ITK: variants seen among roughly 807,000 people sequenced by gnomAD.
The protein encoded by ITK is tyrosine-protein kinase ITK/TSK.
Under a neutral mutation model 87.6 loss-of-function variants are expected in ITK, and 45 were observed. The observed-to-expected ratio is 0.51, with a 90% CI of 0.40 to 0.66. The LOEUF (loss-of-function observed/expected upper bound fraction) is 0.66, where lower values mean the gene tolerates loss of function less well. Among genes scored for constraint, ITK ranks in the 30% least tolerant of loss-of-function variants. The probability of loss-of-function intolerance (pLI) is 0.00; values close to 1 mark genes in which losing one functional copy is unlikely to be tolerated. For synonymous variants in ITK, 303 were observed against 273.6 expected, an observed-to-expected ratio of 1.11 and a Z score of -1.06; for missense variants, 605 against 766.3, an observed-to-expected ratio of 0.79 and a Z score of 2.48.
intron 16 of ITK, among the ~76,000 whole-genome samples, chr5:157,249,645 G>C (rs1755101713): frequency 6.6e-6 from 1 of 152,158 alleles, no homozygotes; most frequent in Non-Finnish European, 1.5e-5. Context: ...CAACAAGGTG[G>C]AATACAAAAA....
At position 157,248,834 on chromosome 5, in the gene ITK, T is replaced by C. The variant is rs199877199; in HGVS notation, c.1634-16T>C. The C allele has an allele frequency of 1.5e-3, 2,469 of 1,613,936 alleles. 57 individuals carry two copies. In the South Asian group the frequency reaches 0.026, roughly 17 times the overall value. On this transcript the variant is annotated splice_polypyrimidine_tract_variant and intron_variant, in intron 15 of 16. Transcript: ENST00000422843. ...GGCTTTGTCATTCACTGTGCTGTGC[T>C]CACCATTTCTTGTAGGTGTGCTGAT...
At chr5:157,183,797 T>C (rs913151140) in intron 1 of ITK, among the ~76,000 whole-genome samples, 1 of 152,192 alleles carries the variant, frequency 6.6e-6, no homozygotes, top group Non-Finnish European at 1.5e-5. Flanking sequence ...TGTGTAAAAT[T>C]ATGATTCTTG....
At chr5:157,223,508 G>T (rs1754470811) in intron 6 of ITK, among the ~76,000 whole-genome samples, 2 of 152,076 alleles carry the variant, frequency 1.3e-5, no homozygotes, top group Non-Finnish European at 2.9e-5. Context: ...CATTGAACTA[G>T]CCATCCACAT....
At chr5:157,216,808 G>A (rs987545987) in intron 4 of ITK, among the ~76,000 whole-genome samples, 6 of 152,088 alleles carry the variant, frequency 3.9e-5, no homozygotes, top group African/African-American at 1.4e-4. Flanking sequence ...CCTATTACAG[G>A]GGTTTTCCTT....
Position 157,254,745 on chromosome 5 carries a change from A to C in ITK, c.*2067A>C, listed in dbSNP as rs1755217575. 1 of 218,110 alleles carries C rather than the reference A, an allele frequency of 4.6e-6. No homozygotes were observed. The highest frequency in any genetic ancestry group is 1.9e-4 in the South Asian group (1 of 5,372). The allele number at this position is 218,110 out of a possible 1,614,324, so 13.5% of individuals were successfully genotyped here. A position where few individuals can be genotyped will look rare whatever the true frequency, so the allele number is the denominator to read the frequency against. ...TGATTTCTGGAACATTCAGTCTAGAAAGAAAACATTGGAATTGACTGATCT... is the reference window on the plus strand; with the variant it reads ...TGATTTCTGGAACATTCAGTCTAGACAGAAAACATTGGAATTGACTGATCT... On this transcript the variant is annotated 3_prime_UTR_variant, in exon 17 of 17. Transcript: ENST00000422843.
intron 10 of ITK, chr5:157,241,212 A>G (rs914622280): frequency 1.2e-5 from 2 of 163,554 alleles, no homozygotes; most frequent in Admixed American, 1.3e-4. Context: ...TGCTGGGATT[A>G]CAGGTGTAAG....
chr5:157,213,285 A>T (rs1754229092), intron 3 of ITK, among the ~76,000 whole-genome samples: 2 of 152,328 alleles, frequency 1.3e-5, no homozygotes, highest in Middle Eastern at 3.4e-3. Flanking sequence ...CATGGGGGAA[A>T]ATATCCCCGT....
At chr5:157,229,272 A>C (rs1580898122) in intron 7 of ITK, among the ~76,000 whole-genome samples, 1 of 152,242 alleles carries the variant, frequency 6.6e-6, no homozygotes, top group African/African-American at 2.4e-5. Context: ...GAGCTGTGGC[A>C]TATTTACATA....
Position 157,222,755 on chromosome 5 carries a change from A to C in ITK, c.496-108A>C, listed in dbSNP as rs1754444949. On this transcript the variant is annotated intron_variant, in intron 5 of 16. Coordinates refer to ENST00000422843, the MANE Select transcript of ITK (RefSeq NM_005546.4). ...AGCGCTGTAACTCTAACTCATAAAGAAAGTCTACCAGAGGAAGGCAGACTG... is the reference window on the plus strand; with the variant it reads ...AGCGCTGTAACTCTAACTCATAAAGCAAGTCTACCAGAGGAAGGCAGACTG... 1.0e-5 allele frequency: 11 copies of C among 1,059,396 alleles called. 1 individual carries two copies. The highest frequency in any genetic ancestry group is 1.6e-5 in the Non-Finnish European group (11 of 688,894). 65.6% of individuals were successfully genotyped at this position (1,059,396 alleles called of 1,614,324 possible).
At chr5:157,202,030 T>C (rs550724314) in intron 1 of ITK, among the ~76,000 whole-genome samples, 48 of 152,238 alleles carry the variant, frequency 3.2e-4, no homozygotes, top group African/African-American at 1.0e-3. Context: ...CCCTTCTTTA[T>C]ACCCATATGT....
intron 15 of ITK, among the ~76,000 whole-genome samples, chr5:157,247,250 C>A (rs530730201): frequency 6.6e-6 from 1 of 152,290 alleles, no homozygotes; most frequent in South Asian, 2.1e-4. Flanking sequence ...ATGAGTCCTA[C>A]CTATTTCTTA....
intron 4 of ITK, 65 bp downstream of exon 4, chr5:157,214,384 C>T: frequency 7.3e-7 from 1 of 1,362,568 alleles, no homozygotes; most frequent in Non-Finnish European, 1.1e-6. Flanking sequence ...AGCTTTTGGC[C>T]TTTAATCATT....
At position 157,232,481 on chromosome 5, in the gene ITK, C is replaced by A. The variant is rs1754677672; in HGVS notation, c.768+87C>A. 8 of 934,124 alleles carry A rather than the reference C, an allele frequency of 8.6e-6. No homozygotes were observed. The South Asian group carries it at 9.7e-5, about 11-fold the overall frequency. The allele number at this position is 934,124 out of a possible 1,614,324, so 57.9% of individuals were successfully genotyped here. On this transcript the variant is annotated intron_variant, in intron 8 of 16. Coordinates refer to ENST00000422843, the MANE Select transcript of ITK (RefSeq NM_005546.4). ...TCTGGAATCCCAGCGATTTGGCAGG[C>A]CAAGGTGGGAGGATCACTTGAGCCC...
At chr5:157,193,410 T>TG (rs1299669298) in intron 1 of ITK, among the ~76,000 whole-genome samples, 1 of 152,188 alleles carries the variant, frequency 6.6e-6, no homozygotes, top group Non-Finnish European at 1.5e-5. Flanking sequence ...ACCCTAAAAA[T>TG]GAAGTCAGAC....
chr5:157,240,858 A>G (rs1561663502), intron 10 of ITK: 1 of 151,960 alleles, frequency 6.6e-6, no homozygotes, highest in Non-Finnish European at 1.5e-5. Context: ...TGACCCAAAC[A>G]CCACCTCCCA....
At chr5:157,186,474 C>T (rs144555794) in intron 1 of ITK, among the ~76,000 whole-genome samples, 108 of 151,838 alleles carry the variant, frequency 7.1e-4, no homozygotes, top group African/African-American at 2.5e-3. Flanking sequence ...CAGGAGTTCA[C>T]GAGCAGCCTG....
intron 1 of ITK, among the ~76,000 whole-genome samples, chr5:157,201,212 T>TC (rs1443233490): frequency 2.0e-5 from 3 of 151,854 alleles, no homozygotes; most frequent in Non-Finnish European, 4.4e-5. Context: ...CAAAAAGTCA[T>TC]CTATGAAAAC....
chr5:157,202,462 C>T (rs1753997089), intron 1 of ITK, among the ~76,000 whole-genome samples: 1 of 152,190 alleles, frequency 6.6e-6, no homozygotes, highest in Non-Finnish European at 1.5e-5. Context: ...GATCTGCTGC[C>T]TTGGACTCCC....
At chr5:157,226,845 GC>G (rs1754542001) in intron 6 of ITK, among the ~76,000 whole-genome samples, 1 of 151,912 alleles carries the variant, frequency 6.6e-6, no homozygotes, top group African/African-American at 2.4e-5. Flanking sequence ...TGTCACCCAG[GC>G]CAGAGTGCAG....
Sources: gnomAD v4.1 joint callset for allele counts (sites outside exome capture counted in the v4.1 genomes callset) on GRCh38, gnomAD v4.1.1 for gene constraint, MANE v1.5 for transcripts, NCBI Gene and HGNC (gene_info 2026-07-23, HGNC 2026-07-21) for gene names.